KCTD16: variants seen among roughly 807,000 people sequenced by gnomAD.
KCTD16 encodes BTB/POZ domain-containing protein KCTD16.
In KCTD16, 13 loss-of-function variants were observed where a neutral mutation model predicts 33.2. The observed-to-expected ratio is 0.39, with a 90% CI of 0.25 to 0.62. The LOEUF (loss-of-function observed/expected upper bound fraction) is 0.62, where lower values mean the gene tolerates loss of function less well. KCTD16 is among the 20% of genes least tolerant of loss of function. KCTD16 has a pLI of 0.50. For synonymous variants in KCTD16, 197 were observed against 195.3 expected, an observed-to-expected ratio of 1.01 and a Z score of -0.07; for missense variants, 441 against 525.1, an observed-to-expected ratio of 0.84 and a Z score of 1.57.
At chr5:144,320,659 A>T (rs530171431) in intron 3 of KCTD16, among the ~76,000 whole-genome samples, 6 of 152,206 alleles carry the variant, frequency 3.9e-5, no homozygotes, top group African/African-American at 1.4e-4. Flanking sequence ...GGTGCAACTC[A>T]TTTGCTACCT....
At chr5:144,370,971 A>G (rs1377011055) in intron 3 of KCTD16, among the ~76,000 whole-genome samples, 1 of 152,100 alleles carries the variant, frequency 6.6e-6, no homozygotes, top group East Asian at 1.9e-4. Flanking sequence ...GCACCAACCT[A>G]TAATAAAAAT....
rs1034155395 is a variant in KCTD16, at chr5:144,481,447, A to G, written c.*7333A>G. 1 of 151,934 alleles carries G rather than the reference A, an allele frequency of 6.6e-6. No homozygotes were observed. Among genetic ancestry groups the G allele is most frequent in the Non-Finnish European group, 1.5e-5 (1 of 67,924 alleles). 9.4% of individuals were successfully genotyped at this position (151,934 alleles called of 1,614,324 possible). The stretch of plus-strand genomic sequence containing the variant: ...GGCTCCCAAGTCCTTGTTTCCAAAC[A>G]TGTGACAAGTCTAAGCACAAGTCCT... On this transcript the variant is annotated 3_prime_UTR_variant, in exon 4 of 4. Transcript: ENST00000512467.
rs1331129988 is a variant in KCTD16 at position 144,478,214 on chromosome 5, T to G, written c.*4100T>G. 1 of 152,076 alleles carries G rather than the reference T, an allele frequency of 6.6e-6. No homozygotes were observed. The highest frequency in any genetic ancestry group is 1.5e-5 in the Non-Finnish European group (1 of 67,980). 9.4% of individuals were successfully genotyped at this position (152,076 alleles called of 1,614,324 possible). A position where few individuals can be genotyped will look rare whatever the true frequency, so the allele number is the denominator to read the frequency against. On this transcript the variant is annotated 3_prime_UTR_variant, in exon 4 of 4. Coordinates refer to ENST00000512467, the MANE Select transcript of KCTD16 (RefSeq NM_020768.4). ...AGTTACAATGGAGTTACATGTCATT[T>G]GTATAGAACTGTATAATGATTAATA...
intron 3 of KCTD16, among the ~76,000 whole-genome samples, chr5:144,446,569 A>C (rs560050452): frequency 2.4e-4 from 36 of 152,304 alleles, no homozygotes; most frequent in Admixed American, 2.1e-3. Context: ...ATCTAATTAA[A>C]ATAAAGAGCT....
intron 3 of KCTD16, among the ~76,000 whole-genome samples, chr5:144,273,138 A>G (rs1455749173): frequency 1.3e-5 from 2 of 152,102 alleles, no homozygotes. Flanking sequence ...AAAATAAACA[A>G]CCCAATTTAA....
At chr5:144,227,473 T>A (rs925688482) in intron 3 of KCTD16, among the ~76,000 whole-genome samples, 2 of 152,156 alleles carry the variant, frequency 1.3e-5, no homozygotes, top group Non-Finnish European at 2.9e-5. Flanking sequence ...CTGTAGGGAT[T>A]TATAGGTCTT....
chr5:144,257,279 A>T (rs1195427988), intron 3 of KCTD16, among the ~76,000 whole-genome samples: 1 of 152,216 alleles, frequency 6.6e-6, no homozygotes, highest in Admixed American at 6.5e-5. Context: ...TCAATTTCAC[A>T]TAAGTGTAAG....
intron 3 of KCTD16, among the ~76,000 whole-genome samples, chr5:144,386,278 T>C (rs1238257778): frequency 2.6e-5 from 4 of 152,176 alleles, no homozygotes; most frequent in Admixed American, 2.6e-4. Context: ...GGCAGCTCCA[T>C]CACTAAAGCA....
intron 3 of KCTD16, among the ~76,000 whole-genome samples, chr5:144,249,785 C>T (rs1754645506): frequency 6.6e-6 from 1 of 152,156 alleles, no homozygotes; most frequent in African/African-American, 2.4e-5. Context: ...ATAACTTTCT[C>T]AAGGTTACTC....
chr5:144,221,533 T>C (rs928179841), intron 3 of KCTD16, among the ~76,000 whole-genome samples: 2 of 152,178 alleles, frequency 1.3e-5, no homozygotes, highest in African/African-American at 4.8e-5. Context: ...TTTTCTGTTC[T>C]TGTGTTAGTT....
intron 3 of KCTD16, among the ~76,000 whole-genome samples, chr5:144,355,059 TGGA>T (rs754579217): frequency 6.6e-6 from 1 of 152,148 alleles, no homozygotes; most frequent in Non-Finnish European, 1.5e-5. Flanking sequence ...ATTTTACAAA[TGGA>T]GGAACTGAAT....
chr5:144,248,109 T>A (rs1754599895), intron 3 of KCTD16, among the ~76,000 whole-genome samples: 1 of 152,178 alleles, frequency 6.6e-6, no homozygotes. Context: ...AATTAAACAA[T>A]GTGTCAGATA....
intron 2 of KCTD16, among the ~76,000 whole-genome samples, chr5:144,193,456 A>G (rs1752882122): frequency 6.6e-6 from 1 of 151,966 alleles, no homozygotes; most frequent in African/African-American, 2.4e-5. Context: ...AGCATTTCAC[A>G]TAGCTGGCTC....
chr5:144,360,487 A>G (rs1751684267), intron 3 of KCTD16, among the ~76,000 whole-genome samples: 1 of 150,494 alleles, frequency 6.6e-6, no homozygotes, highest in African/African-American at 2.5e-5. Flanking sequence ...GCTGGAGTGC[A>G]GTGGGGTGAT....
intron 3 of KCTD16, among the ~76,000 whole-genome samples, chr5:144,257,384 A>G (rs1486617785): frequency 6.6e-6 from 1 of 152,186 alleles, no homozygotes; most frequent in Admixed American, 6.5e-5. Flanking sequence ...CTACTGAACC[A>G]CTAAGAATGA....
At chr5:144,181,625 A>G (rs1428397120) in intron 2 of KCTD16, among the ~76,000 whole-genome samples, 1 of 152,220 alleles carries the variant, frequency 6.6e-6, no homozygotes, top group Admixed American at 6.5e-5. Context: ...AGATTCTGCC[A>G]TTTGTGCAAC....
chr5:144,209,923 T>C (rs1233180280), intron 3 of KCTD16, among the ~76,000 whole-genome samples: 5 of 148,694 alleles, frequency 3.4e-5, no homozygotes, highest in East Asian at 1.9e-4. Context: ...TATATATATA[T>C]ACAAGCTCCT....
intron 3 of KCTD16, among the ~76,000 whole-genome samples, chr5:144,231,752 T>A (rs1754109907): frequency 6.6e-6 from 1 of 152,130 alleles, no homozygotes; most frequent in African/African-American, 2.4e-5. Flanking sequence ...GCACTGCTCC[T>A]TGCTGCCACC....
intron 3 of KCTD16, among the ~76,000 whole-genome samples, chr5:144,300,204 C>G (rs561446122): frequency 6.6e-6 from 1 of 152,052 alleles, no homozygotes; most frequent in African/African-American, 2.4e-5. Context: ...GAGATATAGA[C>G]GTATTCAGTG....
Sources: gnomAD v4.1 joint callset for allele counts (sites outside exome capture counted in the v4.1 genomes callset) on GRCh38, gnomAD v4.1.1 for gene constraint, MANE v1.5 for transcripts, NCBI Gene and HGNC (gene_info 2026-07-23, HGNC 2026-07-21) for gene names.